The following FANCI variants were observed in gnomAD, a reference collection of about 807,000 sequenced individuals.
FANCI encodes FA complementation group I.
A neutral mutation model predicts 176.1 loss-of-function variants in FANCI; 156 were observed. That is an observed-to-expected ratio of 0.89 (90% CI 0.78 to 1.01). The LOEUF (loss-of-function observed/expected upper bound fraction) is 1.01. Among genes scored for constraint, FANCI ranks in the 50% least tolerant of loss-of-function variants. The probability of loss-of-function intolerance (pLI) is 0.00; values close to 1 mark genes in which losing one functional copy is unlikely to be tolerated. For missense variants in FANCI, 1,678 were observed against 1,534.1 expected, an observed-to-expected ratio of 1.09 and a Z score of -1.57; for synonymous variants, 613 against 541.7, an observed-to-expected ratio of 1.13 and a Z score of -1.83.
At chr15:89,252,683 T>C (rs955164754) in intron 2 of FANCI, among the ~76,000 whole-genome samples, 2 of 152,172 alleles carry the variant, frequency 1.3e-5, no homozygotes, top group Non-Finnish European at 2.9e-5. Flanking sequence ...GAAGTTGCAG[T>C]GAGCTGAGAT....
In FANCI at chr15:89,261,687, C is replaced by G. The variant is rs2151268392; in HGVS notation, c.391C>G (p.Pro131Ala). Residue 131 changes from proline (P) to alanine (A), a missense_variant, in exon 5 of 38, where the codon CCT (proline) becomes GCT (alanine). Coordinates refer to ENST00000310775, the MANE Select transcript of FANCI (RefSeq NM_001113378.2). ...GAATGGAAAATCTTTGGAGTTACTA[C>G]CTATCATTCTCACTGCCCTGGCTAC... ...LVNGKSLELL[P>A]IILTALATKK... is the part of the protein sequence containing the mutation. The G allele has an allele frequency of 6.2e-7, 1 of 1,614,114 alleles. No homozygotes were observed. Among genetic ancestry groups the G allele is most frequent in the Non-Finnish European group, 8.5e-7 (1 of 1,180,018 alleles).
chr15:89,282,738 T>C (rs775993433), intron 16 of FANCI: 4 of 281,182 alleles, frequency 1.4e-5, no homozygotes, highest in South Asian at 3.9e-5. Context: ...ACAGTTTACA[T>C]GGCATCAAAT....
chr15:89,274,469 C>T (rs1483043025), intron 12 of FANCI, among the ~76,000 whole-genome samples, 165 bp downstream of exon 12: 1 of 152,082 alleles, frequency 6.6e-6, no homozygotes, highest in African/African-American at 2.4e-5. Flanking sequence ...ATACTTTTTC[C>T]CTATGGAAAT....
In FANCI at chr15:89,316,825, C is replaced by CACCTG. The variant is rs2055282956; in HGVS notation, c.*368_*372dup. ...ATTATCTGGTAAATATCCAGCGCTTCACCTGAAAGATAGTGCAAATTGGTT... is the reference window on the plus strand; with the variant it reads ...ATTATCTGGTAAATATCCAGCGCTTCACCTGACCTGAAAGATAGTGCAAATTGGTT... On this transcript the variant is annotated 3_prime_UTR_variant, in exon 38 of 38. Coordinates refer to ENST00000310775, the MANE Select transcript of FANCI (RefSeq NM_001113378.2). 6.2e-7 allele frequency: 1 copy of CACCTG among 1,612,908 alleles called. No homozygotes were observed. The highest frequency in any genetic ancestry group is 2.2e-5 in the East Asian group (1 of 44,882).
At chr15:89,300,414 G>A in intron 26 of FANCI, 29 bp downstream of exon 26, 1 of 1,591,560 alleles carries the variant, frequency 6.3e-7, no homozygotes, top group African/African-American at 1.3e-5. Flanking sequence ...CTGCTGTACT[G>A]GCCTGAGAGG....
intron 18 of FANCI, among the ~76,000 whole-genome samples, chr15:89,287,220 G>A (rs543194993): frequency 1.5e-4 from 23 of 152,176 alleles, no homozygotes; most frequent in African/African-American, 2.6e-4. Context: ...TGATCTGCCC[G>A]CCTCGGCCTC....
At chr15:89,312,475 T>G (rs1261043882) in intron 34 of FANCI, among the ~76,000 whole-genome samples, 1 of 152,242 alleles carries the variant, frequency 6.6e-6, no homozygotes, top group African/African-American at 2.4e-5. Flanking sequence ...CAGATAGTCC[T>G]GTTTACTCCA....
intron 1 of FANCI, among the ~76,000 whole-genome samples, chr15:89,244,639 T>C (rs538786251): frequency 6.6e-6 from 1 of 152,388 alleles, no homozygotes; most frequent in African/African-American, 2.4e-5. Flanking sequence ...CCCTTCTGGC[T>C]GGACACCTTT....
At chr15:89,297,744 AGAGAGGGAGAGGGAGACCGTGGG>A (rs2054359471) in intron 24 of FANCI, among the ~76,000 whole-genome samples, 2 of 126,076 alleles carry the variant, frequency 1.6e-5, no homozygotes, top group Non-Finnish European at 3.3e-5. Context: ...GACCGTGGAA[AGAGAGGGAGAGGGAGACCGTGGG>A]GAGAGGGAGG....
intron 18 of FANCI, among the ~76,000 whole-genome samples, chr15:89,285,853 G>C (rs958736938): frequency 5.3e-5 from 8 of 152,054 alleles, no homozygotes; most frequent in African/African-American, 1.9e-4. Context: ...AAAACTTTAA[G>C]CTACCTCAGA....
intron 12 of FANCI, among the ~76,000 whole-genome samples, chr15:89,275,173 C>G (rs1206133831): frequency 6.7e-6 from 1 of 149,698 alleles, no homozygotes; most frequent in Non-Finnish European, 1.5e-5. Context: ...ACTGATCCTC[C>G]TGCCTCAGCC....
intron 15 of FANCI, 40 bp downstream of exon 15, chr15:89,281,340 G>T: frequency 5.6e-6 from 9 of 1,611,178 alleles, no homozygotes; most frequent in East Asian, 2.2e-5. Flanking sequence ...CAAAACTGAG[G>T]TTTAACTGTC....
chr15:89,285,131 C>T lies in FANCI; in HGVS notation c.1734C>T (p.Val578=), dbSNP rs536499156. ...ATGTTCACAGCCATTACAATTCTGT[C>T]GCCAATGAAACTTTTTGCCTTGAGA... is the stretch of plus-strand genomic sequence containing the variant. ...HVDVHSHYNS[V]ANETFCLEIM... The change falls in exon 18 of 38, where the codon GTC becomes GTT. Residue 578 remains valine (V), a synonymous_variant. Transcript: ENST00000310775. The T allele has an allele frequency of 4.2e-5, 67 of 1,613,960 alleles. No homozygotes were observed. Among genetic ancestry groups the T allele is most frequent in the Non-Finnish European group, 5.1e-5 (60 of 1,180,016 alleles).
intron 14 of FANCI, 130 bp from the exon 15 acceptor site, chr15:89,281,040 T>C (rs1344669275): frequency 1.4e-5 from 12 of 881,856 alleles, no homozygotes; most frequent in East Asian, 2.7e-5. Context: ...CAGTAGAAAT[T>C]TGTATTGCAG....
At chr15:89,271,193 A>G (rs2053186848) in intron 10 of FANCI, among the ~76,000 whole-genome samples, 1 of 152,132 alleles carries the variant, frequency 6.6e-6, no homozygotes, top group African/African-American at 2.4e-5. Context: ...ATTTTATTCT[A>G]AGCATGCAAT....
intron 8 of FANCI, 133 bp downstream of exon 8, chr15:89,264,159 A>C: frequency 2.1e-6 from 2 of 951,220 alleles, no homozygotes; most frequent in Non-Finnish European, 3.4e-6. Flanking sequence ...CACGTGAGCA[A>C]ACATAGCCGA....
intron 24 of FANCI, among the ~76,000 whole-genome samples, chr15:89,297,203 G>A (rs1416330322): frequency 5.3e-5 from 8 of 152,140 alleles, no homozygotes; most frequent in East Asian, 1.9e-4. Flanking sequence ...CAGACGGGGC[G>A]GCGGGGCAGA....
In FANCI at chr15:89,292,716, G is replaced by T. The variant is rs886051511; in HGVS notation, c.2021G>T (p.Cys674Phe). 1 of 1,613,786 alleles carries T rather than the reference G, an allele frequency of 6.2e-7. No individual in the cohort carries two copies. Among genetic ancestry groups the T allele is most frequent in the Non-Finnish European group, 8.5e-7 (1 of 1,179,952 alleles). ...TATCTGCTGTGTTGTATTCAGCATT[G>T]TTTGGCCTGGTATAAGAATACAGTC... The part of the protein sequence containing the change: ...LDYLLCCIQH[C>F]LAWYKNTVIP... Residue 674 changes from cysteine to phenylalanine, a missense_variant, in exon 21 of 38, where the codon TGT becomes TTT. This residue lies in a region of FANCI where 1,204 missense variants were observed against 1,077.4 expected (regional missense o/e 1.12). Transcript: ENST00000310775.
chr15:89,259,998 G>A lies in FANCI; in HGVS notation c.158-715G>A, dbSNP rs903285171. On this transcript the variant is annotated intron_variant, in intron 3 of 37. Transcript: ENST00000310775. ...TTCCTTTCTCTTGGATATATATCTA[G>A]GAGTGGAATTGCCGGATCATGTGGA... 4.0e-5 allele frequency among the ~76,000 whole-genome samples: 6 copies of A among 151,736 alleles called. No homozygotes were observed. In the South Asian group the frequency reaches 1.0e-3, roughly 26 times the overall value.
Sources: allele counts gnomAD v4.1 joint callset (sites outside exome capture counted in the v4.1 genomes callset), GRCh38; gene constraint gnomAD v4.1.1; regional missense constraint gnomAD v4.1.1; transcripts MANE v1.5; gene names NCBI Gene and HGNC (gene_info 2026-07-23, HGNC 2026-07-21).